PCDH15: variants seen among roughly 807,000 people sequenced by gnomAD.
The protein encoded by PCDH15 is protocadherin-15.
A neutral mutation model predicts 178.5 loss-of-function variants in PCDH15; 129 were observed. That is an observed-to-expected ratio of 0.72 (90% CI 0.63 to 0.84). The LOEUF is 0.84. Ranked by LOEUF, PCDH15 falls within the 40% of genes least tolerant of loss-of-function variation. The pLI is 0.00. For missense variants in PCDH15, 2,230 were observed against 2,099.9 expected, an observed-to-expected ratio of 1.06 and a Z score of -1.21; for synonymous variants, 800 against 732.0, an observed-to-expected ratio of 1.09 and a Z score of -1.50.
chr10:54,194,187 T>C (rs2049331590), intron 11 of PCDH15, among the ~76,000 whole-genome samples: 2 of 148,992 alleles, frequency 1.3e-5, no homozygotes, highest in South Asian at 4.2e-4. Context: ...TGTGGAGTGT[T>C]ACAAAATTTA....
intron 2 of PCDH15, among the ~76,000 whole-genome samples, chr10:55,492,495 C>T (rs546466734): frequency 2.6e-5 from 4 of 151,794 alleles, no homozygotes; most frequent in African/African-American, 9.6e-5. Flanking sequence ...CTACACAACA[C>T]AGGGTAAACA....
intron 2 of PCDH15, among the ~76,000 whole-genome samples, chr10:54,984,811 T>G (rs1839323807): frequency 6.6e-6 from 1 of 152,214 alleles, no homozygotes; most frequent in Non-Finnish European, 1.5e-5. Context: ...CAGTCCAGCC[T>G]GGGCCACAGA....
chr10:54,869,243 C>T (rs1953993141), intron 3 of PCDH15: 1 of 152,026 alleles, frequency 6.6e-6, no homozygotes, highest in African/African-American at 2.4e-5. Flanking sequence ...AGCTACAAGC[C>T]AAAGAATGCC....
intron 2 of PCDH15, among the ~76,000 whole-genome samples, chr10:55,009,231 G>T (rs979664835): frequency 6.7e-6 from 1 of 148,578 alleles, no homozygotes; most frequent in African/African-American, 2.5e-5. Context: ...CTGAAATTTT[G>T]TTTTAATTGC....
At chr10:54,253,504 C>G (rs147327162) in intron 8 of PCDH15, among the ~76,000 whole-genome samples, 2 of 151,910 alleles carry the variant, frequency 1.3e-5, no homozygotes, top group African/African-American at 4.8e-5. Context: ...TATCATCCAG[C>G]ATAGAGGACA....
At chr10:53,996,092 A>T (rs2091831808) in intron 20 of PCDH15, among the ~76,000 whole-genome samples, 1 of 152,170 alleles carries the variant, frequency 6.6e-6, no homozygotes, top group African/African-American at 2.4e-5. Context: ...AACATTTGAA[A>T]ATAAGAACAA....
At chr10:54,061,099 G>T (rs570115941) in intron 18 of PCDH15, among the ~76,000 whole-genome samples, 1 of 152,064 alleles carries the variant, frequency 6.6e-6, no homozygotes, top group Non-Finnish European at 1.5e-5. Flanking sequence ...CTGCAGATTT[G>T]ATCAGAATAT....
At chr10:54,071,953 CAATG>C (rs1485918439) in intron 17 of PCDH15, among the ~76,000 whole-genome samples, 3 of 151,876 alleles carry the variant, frequency 2.0e-5, no homozygotes, top group Admixed American at 6.6e-5. Context: ...AATGTCAGCT[CAATG>C]AATATTTTTA....
At chr10:55,485,454 A>C (rs924511646) in intron 2 of PCDH15, among the ~76,000 whole-genome samples, 4 of 151,748 alleles carry the variant, frequency 2.6e-5, no homozygotes, top group African/African-American at 9.7e-5. Context: ...ACATCAAATG[A>C]GACATTATTT....
At chr10:55,415,813 G>A (rs1209852024) in intron 2 of PCDH15, among the ~76,000 whole-genome samples, 1 of 151,680 alleles carries the variant, frequency 6.6e-6, no homozygotes, top group African/African-American at 2.4e-5. Context: ...GAAGACTGAG[G>A]TACCCATTCA....
intron 2 of PCDH15, among the ~76,000 whole-genome samples, chr10:55,595,413 A>C (rs1199794594): frequency 6.6e-6 from 1 of 152,060 alleles, no homozygotes; most frequent in Non-Finnish European, 1.5e-5. Flanking sequence ...AAAAGACTAA[A>C]GCAGTGGTTC....
At chr10:55,576,495 G>C (rs1314698738) in intron 2 of PCDH15, among the ~76,000 whole-genome samples, 1 of 152,112 alleles carries the variant, frequency 6.6e-6, no homozygotes, top group Non-Finnish European at 1.5e-5. Context: ...TTTGTGATAA[G>C]GATAATGTGT....
chr10:54,559,047 A>C (rs991455818), intron 2 of PCDH15, among the ~76,000 whole-genome samples: 3 of 152,072 alleles, frequency 2.0e-5, no homozygotes, highest in Non-Finnish European at 4.4e-5. Context: ...TTTGACTCTA[A>C]GAAATTGTGA....
intron 2 of PCDH15, among the ~76,000 whole-genome samples, chr10:55,625,052 T>C (rs1837494342): frequency 6.6e-6 from 1 of 152,148 alleles, no homozygotes; most frequent in Non-Finnish European, 1.5e-5. Flanking sequence ...TTTAAAAAGT[T>C]TTTCTCTCTC....
chr10:54,321,090 A>AAT (rs2061572638), intron 7 of PCDH15, among the ~76,000 whole-genome samples: 1 of 70,754 alleles, frequency 1.4e-5, no homozygotes, highest in South Asian at 3.3e-4. Flanking sequence ...TTTTCTCAAT[A>AAT]ACAAATAAGT....
intron 1 of PCDH15, among the ~76,000 whole-genome samples, chr10:54,744,613 A>G (rs1832185): frequency 0.91 from 137,808 of 152,114 alleles, 62,480 homozygotes; most frequent in East Asian, 1. Context: ...TCTGTATACC[A>G]AAGTTGAAAA....
At position 54,300,243 on chromosome 10, in the gene PCDH15, T is replaced by C. The variant is rs574767771; in HGVS notation, c.876+17028A>G. On this transcript the variant is annotated intron_variant, in intron 8 of 37. Transcript: ENST00000644397. ...AAGGCTTCTGAAATCAAACAATGCC[T>C]TTCAAACTCTTATACCAACCTCTGG... Among the ~76,000 whole-genome samples, 9 of 152,322 alleles carry C rather than the reference T, an allele frequency of 5.9e-5. No homozygotes were observed. In the South Asian group the frequency reaches 1.7e-3, roughly 28 times the overall value.
At chr10:55,289,686 C>T (rs1200282573) in intron 1 of PCDH15, among the ~76,000 whole-genome samples, 1 of 152,018 alleles carries the variant, frequency 6.6e-6, no homozygotes, top group Admixed American at 6.6e-5. Context: ...ATTAATCTAT[C>T]TATCTAAATA....
At chr10:54,671,242 T>C (rs2094663892) in intron 1 of PCDH15, among the ~76,000 whole-genome samples, 1 of 152,178 alleles carries the variant, frequency 6.6e-6, no homozygotes, top group Non-Finnish European at 1.5e-5. Flanking sequence ...TGCAGTGTTA[T>C]TACCTGGCAC....
Sources: allele counts gnomAD v4.1 joint callset (sites outside exome capture counted in the v4.1 genomes callset), GRCh38; gene constraint gnomAD v4.1.1; transcripts MANE v1.5; gene names NCBI Gene and HGNC (gene_info 2026-07-23, HGNC 2026-07-21).